Variants in C12orf42 observed in about 807,000 individuals in gnomAD.
C12orf42 encodes the protein chromosome 12 open reading frame 42.
A neutral mutation model predicts 21.6 loss-of-function variants in C12orf42; 25 were observed. The ratio of observed to expected loss-of-function variants is 1.16; its 90% CI spans 0.84 to 1.62. The LOEUF (loss-of-function observed/expected upper bound fraction) is 1.62, where lower values mean the gene tolerates loss of function less well. Ranked by LOEUF, C12orf42 falls within the 40% of genes most tolerant of loss-of-function variation. The probability of loss-of-function intolerance (pLI) is 0.00; values close to 1 mark genes in which losing one functional copy is unlikely to be tolerated. For missense variants in C12orf42, 483 were observed against 459.3 expected, an observed-to-expected ratio of 1.05 and a Z score of -0.47; for synonymous variants, 174 against 175.0, an observed-to-expected ratio of 0.99 and a Z score of 0.05.
chr12:103,510,529 G>GT, the C12orf42 span, among the ~76,000 whole-genome samples: 4 of 151,580 alleles, frequency 2.6e-5, no homozygotes, highest in African/African-American at 9.7e-5. Context: ...TAAAACAAAA[G>GT]TAAAAAAAAT....
chr12:103,279,915 A>G (rs2036001130), intron 4 of C12orf42, among the ~76,000 whole-genome samples: 1 of 152,230 alleles, frequency 6.6e-6, no homozygotes, highest in Non-Finnish European at 1.5e-5. Flanking sequence ...TAACATGGGA[A>G]CTAAGACTGG....
intron 2 of C12orf42, among the ~76,000 whole-genome samples, chr12:103,442,823 TA>T (rs1374547367): frequency 2.0e-5 from 3 of 151,952 alleles, no homozygotes; most frequent in South Asian, 4.2e-4. Context: ...TATTAAAGAG[TA>T]AAAAAAATTA....
At chr12:103,485,019 G>C (rs1031039621) in intron 1 of C12orf42, among the ~76,000 whole-genome samples, 1 of 151,870 alleles carries the variant, frequency 6.6e-6, no homozygotes, top group Non-Finnish European at 1.5e-5. Flanking sequence ...ACAAGTGCCC[G>C]CCACCATGCA....
chr12:103,088,002 C>A, the C12orf42 span, among the ~76,000 whole-genome samples: 1 of 152,372 alleles, frequency 6.6e-6, no homozygotes, highest in East Asian at 1.9e-4. Context: ...TTTGCCAGAG[C>A]ATTCTGGCCT....
the C12orf42 span, among the ~76,000 whole-genome samples, chr12:103,067,346 A>G: frequency 6.6e-6 from 1 of 152,146 alleles, no homozygotes; most frequent in Non-Finnish European, 1.5e-5. Flanking sequence ...GAAGTGTGGC[A>G]GTGGGTTCAT....
the C12orf42 span, among the ~76,000 whole-genome samples, chr12:103,510,120 A>T: frequency 6.6e-6 from 1 of 152,226 alleles, no homozygotes; most frequent in Non-Finnish European, 1.5e-5. Context: ...TCCATTAATC[A>T]ATGAGTGGAT....
the C12orf42 span, among the ~76,000 whole-genome samples, chr12:103,112,402 G>A: frequency 3.9e-5 from 6 of 152,290 alleles, no homozygotes; most frequent in South Asian, 8.3e-4. Flanking sequence ...GCTTACACCT[G>A]TAATTCCAGC....
At chr12:103,077,627 C>T in the C12orf42 span, among the ~76,000 whole-genome samples, 1 of 152,160 alleles carries the variant, frequency 6.6e-6, no homozygotes, top group African/African-American at 2.4e-5. Context: ...CAGCTTGAGC[C>T]TCTTGGAGAC....
At chr12:103,287,822 CAGAG>C (rs951166260) in intron 4 of C12orf42, among the ~76,000 whole-genome samples, 4 of 151,430 alleles carry the variant, frequency 2.6e-5, no homozygotes, top group African/African-American at 4.9e-5. Context: ...GAGAGAGAGA[CAGAG>C]AGAGAAAGTT....
At chr12:103,118,911 G>T in the C12orf42 span, among the ~76,000 whole-genome samples, 2 of 149,818 alleles carry the variant, frequency 1.3e-5, no homozygotes, top group African/African-American at 2.5e-5. Flanking sequence ...CATTCTTAAA[G>T]ATTTAGCCCT....
At chr12:103,457,479 A>G (rs1014379149) in intron 2 of C12orf42, among the ~76,000 whole-genome samples, 1 of 152,170 alleles carries the variant, frequency 6.6e-6, no homozygotes, top group African/African-American at 2.4e-5. Context: ...TTCATCAGGG[A>G]TGCTGTACAT....
chr12:103,337,329 C>A (rs1346286249), intron 4 of C12orf42, among the ~76,000 whole-genome samples: 2 of 152,170 alleles, frequency 1.3e-5, no homozygotes, highest in East Asian at 3.9e-4. Context: ...AGACAGAAAA[C>A]CTGTGGGGCA....
intron 5 of C12orf42, among the ~76,000 whole-genome samples, chr12:103,272,929 A>T (rs573364579): frequency 6.6e-6 from 1 of 152,310 alleles, no homozygotes; most frequent in East Asian, 1.9e-4. Flanking sequence ...AGTATTTTCC[A>T]GACTCTCCGC....
At chr12:103,120,834 T>A in the C12orf42 span, among the ~76,000 whole-genome samples, 1 of 150,930 alleles carries the variant, frequency 6.6e-6, no homozygotes, top group Admixed American at 6.6e-5. Context: ...ATAATAAAAT[T>A]ATTATTATAC....
At chr12:103,071,530 C>A in the C12orf42 span, among the ~76,000 whole-genome samples, 1 of 152,058 alleles carries the variant, frequency 6.6e-6, no homozygotes, top group African/African-American at 2.4e-5. Context: ...TTGTAATAAT[C>A]CCCATGTGTC....
chr12:103,241,099 C>A (rs976237007), intron 10 of C12orf42, among the ~76,000 whole-genome samples: 3 of 149,188 alleles, frequency 2.0e-5, no homozygotes, highest in Non-Finnish European at 4.4e-5. Context: ...TACTTATTGA[C>A]AAAGAAGTTA....
the C12orf42 span, among the ~76,000 whole-genome samples, chr12:103,088,520 C>T: frequency 6.6e-6 from 1 of 152,182 alleles, no homozygotes; most frequent in Non-Finnish European, 1.5e-5. Context: ...TTCCTCTTCC[C>T]ACCAAAATCA....
At chr12:103,330,706 AC>A (rs1230016712) in intron 4 of C12orf42, among the ~76,000 whole-genome samples, 3 of 152,154 alleles carry the variant, frequency 2.0e-5, no homozygotes, top group African/African-American at 7.2e-5. Context: ...ACAGAGCTTT[AC>A]TTTTCACAAC....
chr12:103,154,887 T>A, the C12orf42 span, among the ~76,000 whole-genome samples: 1 of 152,224 alleles, frequency 6.6e-6, no homozygotes, highest in Non-Finnish European at 1.5e-5. Flanking sequence ...TGCAACTGTC[T>A]ACTGGCTTTG....
Sources: allele counts gnomAD v4.1 joint callset (sites outside exome capture counted in the v4.1 genomes callset), GRCh38; gene constraint gnomAD v4.1.1; transcripts MANE v1.5; gene names NCBI Gene and HGNC (gene_info 2026-07-23, HGNC 2026-07-21).